MMP23B: variants seen among roughly 807,000 people sequenced by gnomAD.
MMP23B encodes the protein matrix metalloproteinase-23.
Under a neutral mutation model 17.3 loss-of-function variants are expected in MMP23B, and 8 were observed. That is an observed-to-expected ratio of 0.46 (90% CI 0.27 to 0.83). The LOEUF (loss-of-function observed/expected upper bound fraction) is 0.83. Ranked by LOEUF, MMP23B falls within the 40% of genes least tolerant of loss-of-function variation. MMP23B has a pLI of 0.14. For synonymous variants in MMP23B, 86 were observed against 116.5 expected, an observed-to-expected ratio of 0.74 and a Z score of 1.69; for missense variants, 154 against 246.2, an observed-to-expected ratio of 0.63 and a Z score of 2.51.
chr1:1,632,342 G>T lies in MMP23B; in HGVS notation c.124G>T (p.Ala42Ser). 1 of 1,404,068 alleles carries T rather than the reference G, an allele frequency of 7.1e-7. No homozygotes were observed. The highest frequency in any genetic ancestry group is 9.2e-7 in the Non-Finnish European group (1 of 1,088,058). The allele number at this position is 1,404,068 out of a possible 1,614,324, so 87.0% of individuals were successfully genotyped here. A position where few individuals can be genotyped will look rare whatever the true frequency, so the allele number is the denominator to read the frequency against. Residue 42 changes from alanine to serine, a missense_variant, in exon 1 of 8, where the codon GCC (alanine) becomes TCC (serine). Ala to Ser is a moderately conservative substitution (Grantham distance 99, BLOSUM62 1). Coordinates refer to ENST00000356026, the MANE Select transcript of MMP23B (RefSeq NM_006983.2). ...PALVLLARLGAPAVPAWSAAQ... is the reference protein window; with the variant it reads ...PALVLLARLGSPAVPAWSAAQ... Reference sequence around the variant, plus strand: ...GCTGGTGCTGCTGGCCCGGCTGGGGGCCCCGGCGGTGCCGGCCTGGAGCGC... The same window carrying T: ...GCTGGTGCTGCTGGCCCGGCTGGGGTCCCCGGCGGTGCCGGCCTGGAGCGC...
chr1:1,632,250 C>T lies in MMP23B; in HGVS notation c.32C>T (p.Ala11Val). 1 of 1,353,784 alleles carries T rather than the reference C, an allele frequency of 7.4e-7. No homozygotes were observed. Among genetic ancestry groups the T allele is most frequent in the South Asian group, 1.9e-5 (1 of 51,976 alleles). 83.9% of individuals were successfully genotyped at this position (1,353,784 alleles called of 1,614,324 possible). A position where few individuals can be genotyped will look rare whatever the true frequency, so the allele number is the denominator to read the frequency against. Reference protein sequence around the residue: MGRGARVPSEAPGAGVERRWL... With the variant: MGRGARVPSEVPGAGVERRWL... ...CGCGGGGCCCGTGTCCCCTCGGAGG[C>T]CCCGGGGGCAGGCGTCGAGCGCCGC... Residue 11 changes from alanine (A) to valine (V), a missense_variant, in exon 1 of 8, where the codon GCC becomes GTC. By Grantham distance (64) the Ala-to-Val change is moderately conservative. Coordinates refer to ENST00000356026, the MANE Select transcript of MMP23B (RefSeq NM_006983.2).
chr1:1,632,637 C>T lies in MMP23B; in HGVS notation c.157-146C>T, dbSNP rs552895383. Reference sequence around the variant, plus strand: ...AACAGGGCGCTCAGGTTAGGAGACCCGAAACCACAGGCAGACAGGACCCGC... The same window carrying T: ...AACAGGGCGCTCAGGTTAGGAGACCTGAAACCACAGGCAGACAGGACCCGC... On this transcript the variant is annotated intron_variant, in intron 1 of 7. Transcript: ENST00000356026. 6.1e-5 allele frequency: 20 copies of T among 328,870 alleles called. No homozygotes were observed. In the East Asian group the frequency reaches 7.3e-4, roughly 12 times the overall value. The allele number at this position is 328,870 out of a possible 1,614,324, so 20.4% of individuals were successfully genotyped here.
chr1:1,632,407 T>TG (rs1008190570), intron 1 of MMP23B, 33 bp downstream of exon 1: 51 of 1,363,414 alleles, frequency 3.7e-5, no homozygotes, highest in Admixed American at 1.3e-4. Context: ...GGTGCCGGGT[T>TG]GGGGGGGTCC....
At chr1:1,632,422 G>T in intron 1 of MMP23B, 48 bp downstream of exon 1, 1 of 1,336,998 alleles carries the variant, frequency 7.5e-7, no homozygotes, top group Non-Finnish European at 9.8e-7. Flanking sequence ...GGGTCCTCAC[G>T]TCTGTGGGTC....
At chr1:1,632,587 C>G (rs1476295596) in intron 1 of MMP23B, 196 bp from the exon 2 acceptor site, 1 of 380,842 alleles carries the variant, frequency 2.6e-6, no homozygotes, top group African/African-American at 2.3e-5. Context: ...TTCCCCTCCA[C>G]TGGGCCGCGT....
In MMP23B at chr1:1,632,227, C is replaced by CGGGGCCCGTGTCCCCTCGGAGGCCCCG; in HGVS notation, c.15_41dup (p.Arg6_Ala14dup). The CGGGGCCCGTGTCCCCTCGGAGGCCCCG allele has an allele frequency of 7.5e-7, 1 of 1,327,684 alleles. No homozygotes were observed. The highest frequency in any genetic ancestry group is 9.5e-7 in the Non-Finnish European group (1 of 1,047,698). The allele number at this position is 1,327,684 out of a possible 1,614,324, so 82.2% of individuals were successfully genotyped here. The stretch of plus-strand genomic sequence containing the variant: ...CCCACAGCAAGTCTGCCATGGGCCG[C>CGGGGCCCGTGTCCCCTCGGAGGCCCCG]GGGGCCCGTGTCCCCTCGGAGGCCC... On this transcript the variant is annotated inframe_insertion, in exon 1 of 8. Coordinates refer to ENST00000356026, the MANE Select transcript of MMP23B (RefSeq NM_006983.2).
In MMP23B at chr1:1,632,267, G is replaced by A. The variant is rs1329484063; in HGVS notation, c.49G>A (p.Glu17Lys). 8.7e-6 allele frequency: 12 copies of A among 1,377,082 alleles called. No individual in the cohort carries two copies. The highest frequency in any genetic ancestry group is 1.1e-5 in the Non-Finnish European group (12 of 1,071,132). 85.3% of individuals were successfully genotyped at this position (1,377,082 alleles called of 1,614,324 possible). A position where few individuals can be genotyped will look rare whatever the true frequency, so the allele number is the denominator to read the frequency against. Residue 17 changes from glutamate to lysine, a missense_variant, in exon 1 of 8, where the codon GAG becomes AAG. Around this residue, in one of 4 missense-constraint regions of MMP23B, gnomAD observed 129 missense variants for 83.5 expected, o/e 1.54. Transcript: ENST00000356026. Reference protein sequence around the residue: ...VPSEAPGAGVERRWLGAALVA... With the variant: ...VPSEAPGAGVKRRWLGAALVA... ...CTCGGAGGCCCCGGGGGCAGGCGTCGAGCGCCGCTGGCTTGGAGCCGCGCT... is the reference window on the plus strand; with the variant it reads ...CTCGGAGGCCCCGGGGGCAGGCGTCAAGCGCCGCTGGCTTGGAGCCGCGCT...
Position 1,632,339 on chromosome 1 carries a change from G to C in MMP23B, c.121G>C (p.Gly41Arg). The change falls in exon 1 of 8, where the codon GGG becomes CGG. Residue 41 changes from glycine to arginine, a missense_variant. By Grantham distance (125) the Gly-to-Arg change is moderately radical. Transcript: ENST00000356026. ...LPALVLLARL[G>R]APAVPAWSAA... ...CGCGCTGGTGCTGCTGGCCCGGCTG[G>C]GGGCCCCGGCGGTGCCGGCCTGGAG... 3 of 1,409,494 alleles carry C rather than the reference G, an allele frequency of 2.1e-6. No homozygotes were observed. The highest frequency in any genetic ancestry group is 3.0e-5 in the East Asian group (1 of 33,268). 87.3% of individuals were successfully genotyped at this position (1,409,494 alleles called of 1,614,324 possible). A position where few individuals can be genotyped will look rare whatever the true frequency, so the allele number is the denominator to read the frequency against.
Position 1,632,209 on chromosome 1 carries a change from C to A in MMP23B, c.-10C>A, listed in dbSNP as rs1028028293. Reference sequence around the variant, plus strand: ...CCCCATGCAGCCCTGAGCCCCACAGCAAGTCTGCCATGGGCCGCGGGGCCC... The same window carrying A: ...CCCCATGCAGCCCTGAGCCCCACAGAAAGTCTGCCATGGGCCGCGGGGCCC... On this transcript the variant is annotated 5_prime_UTR_variant, in exon 1 of 8. Transcript: ENST00000356026. The A allele has an allele frequency of 1.2e-5, 16 of 1,305,216 alleles. No homozygotes were observed. Among genetic ancestry groups the A allele is most frequent in the Non-Finnish European group, 1.5e-5 (16 of 1,034,280 alleles). The allele number at this position is 1,305,216 out of a possible 1,614,324, so 80.9% of individuals were successfully genotyped here.
At chr1:1,632,502 C>T (rs1404461705) in intron 1 of MMP23B, 128 bp downstream of exon 1, 1 of 786,162 alleles carries the variant, frequency 1.3e-6, no homozygotes, top group Non-Finnish European at 1.9e-6. Context: ...ATGTGCGTCC[C>T]GAGGTCGGAG....
chr1:1,634,375 G>T, intron 7 of MMP23B, 47 bp downstream of exon 7: 1 of 1,266,058 alleles, frequency 7.9e-7, no homozygotes, highest in Non-Finnish European at 1.1e-6. Flanking sequence ...GCCCGCGGGC[G>T]GCCTTGGGGC....
rs1639076360 is a variant in MMP23B at position 1,634,407 on chromosome 1, G to T, written c.999-44G>T. 20 of 1,184,700 alleles carry T rather than the reference G, an allele frequency of 1.7e-5. 6 individuals are homozygous for T. Among genetic ancestry groups the T allele is most frequent in the Middle Eastern group, 6.2e-4 (2 of 3,252 alleles). 73.4% of individuals were successfully genotyped at this position (1,184,700 alleles called of 1,614,324 possible). On this transcript the variant is annotated intron_variant, in intron 7 of 7. Transcript: ENST00000356026. ...GGGCAGGGGTGCGGGGCAGGCAGCC[G>T]GGGGGGGGGCTGTGCCTGCAGGAGA...
Position 1,632,827 on chromosome 1 carries a change from G to C in MMP23B, c.201G>C (p.Arg67=), listed in dbSNP as rs1639044972. The C allele has an allele frequency of 5.2e-6, 1 of 192,568 alleles. No homozygotes were observed. Among genetic ancestry groups the C allele is most frequent in the Non-Finnish European group, 9.0e-6 (1 of 111,528 alleles). 11.9% of individuals were successfully genotyped at this position (192,568 alleles called of 1,614,324 possible). A position where few individuals can be genotyped will look rare whatever the true frequency, so the allele number is the denominator to read the frequency against. ...ALGLSAVPPT[R]VPGPLAPRRR... is the part of the protein sequence containing the mutation. ...GCCTCTCGGCGGTCCCCCCCACCCG[G>C]GTCCCGGGCCCACTGGCCCCCCGCA... Residue 67 remains arginine (R), a synonymous_variant, in exon 2 of 8, where the codon CGG becomes CGC. Coordinates refer to ENST00000356026, the MANE Select transcript of MMP23B (RefSeq NM_006983.2).
intron 1 of MMP23B, 38 bp from the exon 2 acceptor site, chr1:1,632,745 G>C (rs1437198023): frequency 8.7e-6 from 2 of 229,162 alleles, no homozygotes; most frequent in Non-Finnish European, 1.5e-5. Context: ...CCTGGGGACC[G>C]TCACCGATGC....
At position 1,632,217 on chromosome 1, in the gene MMP23B, C is replaced by A. The variant is rs1011532586; in HGVS notation, c.-2C>A. The A allele has an allele frequency of 3.8e-6, 5 of 1,321,878 alleles. No homozygotes were observed. In the African/African-American group the frequency reaches 7.7e-5, roughly 20 times the overall value. 81.9% of individuals were successfully genotyped at this position (1,321,878 alleles called of 1,614,324 possible). ...AGCCCTGAGCCCCACAGCAAGTCTG[C>A]CATGGGCCGCGGGGCCCGTGTCCCC... On this transcript the variant is annotated 5_prime_UTR_variant, in exon 1 of 8. Transcript: ENST00000356026.
In MMP23B at chr1:1,632,385, G is replaced by GC. The variant is rs926875393; in HGVS notation, c.156+11_156+12insC. 2 of 1,382,514 alleles carry GC rather than the reference G, an allele frequency of 1.4e-6. No homozygotes were observed. Among genetic ancestry groups the GC allele is most frequent in the African/African-American group, 3.1e-5 (2 of 65,464 alleles). 85.6% of individuals were successfully genotyped at this position (1,382,514 alleles called of 1,614,324 possible). A position where few individuals can be genotyped will look rare whatever the true frequency, so the allele number is the denominator to read the frequency against. On this transcript the variant is annotated intron_variant, in intron 1 of 7. Coordinates refer to ENST00000356026, the MANE Select transcript of MMP23B (RefSeq NM_006983.2). ...TGGAGCGCAGCGCAGGTGAGCGGCGGGGGGGAGGCCAGGTGCCGGGTTGGG... is the reference window on the plus strand; with the variant it reads ...TGGAGCGCAGCGCAGGTGAGCGGCGGCGGGGGAGGCCAGGTGCCGGGTTGGG...
intron 1 of MMP23B, 34 bp downstream of exon 1, chr1:1,632,408 G>A (rs1255015198): frequency 4.4e-6 from 6 of 1,361,794 alleles, no homozygotes; most frequent in Admixed American, 3.3e-5. Flanking sequence ...GTGCCGGGTT[G>A]GGGGGGTCCT....
rs574054194 is a variant in MMP23B at position 1,632,441 on chromosome 1, CG to C, written c.156+73del. The C allele has an allele frequency of 1.6e-3, 1,976 of 1,262,348 alleles. 22 individuals carry two copies. The African/African-American group carries it at 0.026, about 17-fold the overall frequency. The allele number at this position is 1,262,348 out of a possible 1,614,324, so 78.2% of individuals were successfully genotyped here. A position where few individuals can be genotyped will look rare whatever the true frequency, so the allele number is the denominator to read the frequency against. On this transcript the variant is annotated intron_variant, in intron 1 of 7. Coordinates refer to ENST00000356026, the MANE Select transcript of MMP23B (RefSeq NM_006983.2). ...CCTCACGTCTGTGGGTCTGGTCTAT[CG>C]GGGGGCCCGCAGGACGTGTGCGGGG...
chr1:1,632,385 G>A lies in MMP23B; in HGVS notation c.156+11G>A, dbSNP rs914643132. On this transcript the variant is annotated intron_variant, in intron 1 of 7. Coordinates refer to ENST00000356026, the MANE Select transcript of MMP23B (RefSeq NM_006983.2). ...TGGAGCGCAGCGCAGGTGAGCGGCG[G>A]GGGGGAGGCCAGGTGCCGGGTTGGG... 1.7e-5 allele frequency: 23 copies of A among 1,382,622 alleles called. No homozygotes were observed. The highest frequency in any genetic ancestry group is 1.4e-4 in the African/African-American group (9 of 65,582). The allele number at this position is 1,382,622 out of a possible 1,614,324, so 85.6% of individuals were successfully genotyped here. A position where few individuals can be genotyped will look rare whatever the true frequency, so the allele number is the denominator to read the frequency against.
Sources: gnomAD v4.1 joint callset for allele counts on GRCh38, gnomAD v4.1.1 for gene constraint, gnomAD v4.1.1 regional missense constraint, MANE v1.5 for transcripts, NCBI Gene and HGNC (gene_info 2026-07-23, HGNC 2026-07-21) for gene names.